The following ADK variants were observed in gnomAD, a reference collection of about 807,000 sequenced individuals.
The protein encoded by ADK is adenosine kinase, also known as N6,N6-dimethyladenosine kinase.
ADK carries 24 observed loss-of-function variants against 44.7 expected under a neutral mutation model. The ratio of observed to expected loss-of-function variants is 0.54; its 90% CI spans 0.39 to 0.76. ADK has a LOEUF of 0.76. ADK is among the 30% of genes least tolerant of loss of function. The pLI is 0.00. For missense variants in ADK, 321 were observed against 425.1 expected (o/e 0.76, Z 2.15); for synonymous variants, 128 against 142.6 (o/e 0.90, Z 0.73).
chr10:74,158,680 G>A (rs1841817840), intron 1 of ADK, among the ~76,000 whole-genome samples: 1 of 152,096 alleles, frequency 6.6e-6, no homozygotes, highest in Non-Finnish European at 1.5e-5. Flanking sequence ...TTTAAGAAAG[G>A]GTTTGTGGAC....
intron 4 of ADK, among the ~76,000 whole-genome samples, chr10:74,335,049 T>C (rs1841359707): frequency 6.6e-6 from 1 of 152,120 alleles, no homozygotes; most frequent in Admixed American, 6.5e-5. Context: ...TTCACTCGAC[T>C]CCTGGGTCTG....
At chr10:74,651,683 A>G (rs1281124882) in intron 9 of ADK, among the ~76,000 whole-genome samples, 1 of 152,188 alleles carries the variant, frequency 6.6e-6, no homozygotes, top group African/African-American at 2.4e-5. Context: ...CAATTGTGTC[A>G]TGGTTTAAAT....
chr10:74,483,102 A>G (rs1415383141), intron 6 of ADK, among the ~76,000 whole-genome samples: 1 of 152,148 alleles, frequency 6.6e-6, no homozygotes, highest in East Asian at 1.9e-4. Context: ...GAGGTTCTCC[A>G]TGAGGGTTCA....
At chr10:74,495,574 AG>A (rs1424624151) in intron 6 of ADK, among the ~76,000 whole-genome samples, 35 of 152,294 alleles carry the variant, frequency 2.3e-4, no homozygotes, top group African/African-American at 7.9e-4. Flanking sequence ...GGTCAGGAAA[AG>A]GGTCAGAAGG....
chr10:74,358,136 T>C (rs558060673), intron 4 of ADK, among the ~76,000 whole-genome samples: 1 of 152,328 alleles, frequency 6.6e-6, no homozygotes, highest in African/African-American at 2.4e-5. Flanking sequence ...AAATTCTAAA[T>C]TTACCTCATA....
chr10:74,685,325 A>C (rs889460870), intron 10 of ADK, among the ~76,000 whole-genome samples: 2 of 152,188 alleles, frequency 1.3e-5, no homozygotes, highest in African/African-American at 4.8e-5. Context: ...GGCCTGTCTA[A>C]ATGACTAATA....
intron 6 of ADK, among the ~76,000 whole-genome samples, chr10:74,502,417 G>A (rs542816565): frequency 6.6e-6 from 1 of 152,100 alleles, no homozygotes; most frequent in East Asian, 1.9e-4. Flanking sequence ...ATTAGAAGAG[G>A]TTTATTCCCT....
chr10:74,472,405 T>C (rs1330560881), intron 6 of ADK, among the ~76,000 whole-genome samples: 3 of 152,136 alleles, frequency 2.0e-5, no homozygotes, highest in Non-Finnish European at 4.4e-5. Flanking sequence ...TCTGCATCAA[T>C]AGAGATGTCA....
At chr10:74,193,987 G>T (rs779114665) in intron 1 of ADK, among the ~76,000 whole-genome samples, 1 of 152,140 alleles carries the variant, frequency 6.6e-6, no homozygotes, top group African/African-American at 2.4e-5. Context: ...TTTTAGAACT[G>T]AGCAGGAGGG....
intron 1 of ADK, among the ~76,000 whole-genome samples, chr10:74,176,227 C>T (rs1842332697): frequency 6.6e-6 from 1 of 152,176 alleles, no homozygotes; most frequent in African/African-American, 2.4e-5. Context: ...ACCATCAGAT[C>T]CAGCAATTGA....
At chr10:74,410,874 T>C (rs1175009154) in intron 6 of ADK, among the ~76,000 whole-genome samples, 1 of 152,180 alleles carries the variant, frequency 6.6e-6, no homozygotes, top group African/African-American at 2.4e-5. Flanking sequence ...ATGTCACAGC[T>C]CTTTATATAT....
At chr10:74,526,945 T>C (rs1291818998) in intron 7 of ADK, among the ~76,000 whole-genome samples, 2 of 152,212 alleles carry the variant, frequency 1.3e-5, no homozygotes, top group Admixed American at 6.5e-5. Context: ...TTGAGAATCA[T>C]TGGGAGAAGT....
At chr10:74,692,819 A>C (rs1202233218) in intron 10 of ADK, among the ~76,000 whole-genome samples, 1 of 152,348 alleles carries the variant, frequency 6.6e-6, no homozygotes, top group East Asian at 1.9e-4. Context: ...AGGCTATACC[A>C]TCTAGGTTTC....
chr10:74,328,546 T>G (rs1451502285), intron 4 of ADK, among the ~76,000 whole-genome samples: 1 of 152,114 alleles, frequency 6.6e-6, no homozygotes, highest in Non-Finnish European at 1.5e-5. Flanking sequence ...TCCCCACATG[T>G]TGAGGGAGGG....
intron 9 of ADK, among the ~76,000 whole-genome samples, chr10:74,648,764 G>C (rs1854146481): frequency 6.6e-6 from 1 of 152,154 alleles, no homozygotes; most frequent in African/African-American, 2.4e-5. Context: ...ACAACATAAA[G>C]AGGGAAACAG....
intron 2 of ADK, among the ~76,000 whole-genome samples, chr10:74,214,169 T>C (rs1450194847): frequency 1.3e-5 from 2 of 152,216 alleles, no homozygotes; most frequent in African/African-American, 4.8e-5. Flanking sequence ...AACCCTGTGA[T>C]TTACTCTTAA....
At chr10:74,537,774 T>C (rs971562751) in intron 7 of ADK, among the ~76,000 whole-genome samples, 1 of 152,160 alleles carries the variant, frequency 6.6e-6, no homozygotes, top group Non-Finnish European at 1.5e-5. Context: ...GAGTTACCAC[T>C]TAACTCCACA....
chr10:74,197,067 A>G (rs1843181000), intron 1 of ADK, among the ~76,000 whole-genome samples: 1 of 152,186 alleles, frequency 6.6e-6, no homozygotes, highest in Non-Finnish European at 1.5e-5. Flanking sequence ...GCATCATAGA[A>G]AAAAATCTTG....
At chr10:74,536,037 G>A (rs1404202718) in intron 7 of ADK, among the ~76,000 whole-genome samples, 1 of 151,386 alleles carries the variant, frequency 6.6e-6, no homozygotes, top group Non-Finnish European at 1.5e-5. Context: ...GTAAATTGAG[G>A]GGATTTGCAT....
Sources: gnomAD v4.1 joint callset for allele counts (sites outside exome capture counted in the v4.1 genomes callset) on GRCh38, gnomAD v4.1.1 for gene constraint, MANE v1.5 for transcripts, NCBI Gene and HGNC (gene_info 2026-07-23, HGNC 2026-07-21) for gene names.